Variants in LRMDA observed in about 807,000 individuals in gnomAD.
LRMDA encodes leucine-rich melanocyte differentiation-associated protein.
In LRMDA, 18 loss-of-function variants were observed where a neutral mutation model predicts 29.8. The ratio of observed to expected loss-of-function variants is 0.60; its 90% CI spans 0.42 to 0.90. LRMDA has a LOEUF of 0.90. LRMDA is among the 40% of genes least tolerant of loss of function. The pLI is 0.00. For synonymous variants in LRMDA, 125 were observed against 109.4 expected (o/e 1.14, Z -0.89); for missense variants, 273 against 273.9 (o/e 1.00, Z 0.02).
At chr10:75,971,250 T>A (rs1381362823) in intron 2 of LRMDA, among the ~76,000 whole-genome samples, 1 of 152,216 alleles carries the variant, frequency 6.6e-6, no homozygotes, top group Non-Finnish European at 1.5e-5. Flanking sequence ...AAATGTCTTT[T>A]GTTCTTGGGG....
intron 6 of LRMDA, among the ~76,000 whole-genome samples, chr10:76,550,095 G>C (rs78831538): frequency 1.3e-5 from 2 of 152,088 alleles, no homozygotes; most frequent in African/African-American, 2.4e-5. Flanking sequence ...TAAAAATTAC[G>C]TGATAAAGAA....
chr10:76,037,697 T>C (rs1848275043), intron 3 of LRMDA, among the ~76,000 whole-genome samples: 1 of 152,156 alleles, frequency 6.6e-6, no homozygotes. Context: ...GGAAGCAAGC[T>C]TTTTCAAGTC....
chr10:75,526,963 T>C (rs879601178), intron 2 of LRMDA, among the ~76,000 whole-genome samples: 2 of 152,110 alleles, frequency 1.3e-5, no homozygotes, highest in Non-Finnish European at 2.9e-5. Context: ...AACCACCACC[T>C]CCATCTAGTT....
intron 6 of LRMDA, among the ~76,000 whole-genome samples, chr10:76,462,711 C>A (rs1842525761): frequency 6.6e-6 from 1 of 152,158 alleles, no homozygotes; most frequent in Non-Finnish European, 1.5e-5. Context: ...GGACCTGTCT[C>A]TTGGCTGCTA....
chr10:76,246,557 CG>C (rs35380125), intron 5 of LRMDA, among the ~76,000 whole-genome samples: 79,852 of 151,912 alleles, frequency 0.53, 21,292 homozygotes, highest in South Asian at 0.65. Context: ...CAGGGAAAGC[CG>C]TACGAATCCA....
chr10:75,639,273 A>C (rs1841424472), intron 2 of LRMDA, among the ~76,000 whole-genome samples: 1 of 152,168 alleles, frequency 6.6e-6, no homozygotes, highest in Non-Finnish European at 1.5e-5. Flanking sequence ...CAGACTTTCC[A>C]TTTGTGCTGT....
At chr10:76,087,431 A>G (rs957066869) in intron 5 of LRMDA, among the ~76,000 whole-genome samples, 5 of 152,230 alleles carry the variant, frequency 3.3e-5, no homozygotes, top group African/African-American at 1.2e-4. Context: ...TAACTTCTGC[A>G]TAGCGTAAGC....
chr10:75,844,917 G>T (rs536016762), intron 2 of LRMDA, among the ~76,000 whole-genome samples: 2 of 152,278 alleles, frequency 1.3e-5, no homozygotes, highest in South Asian at 4.1e-4. Context: ...TATGTTTAAA[G>T]GGGTCACGTC....
In LRMDA at chr10:75,673,716, C is replaced by T. The variant is rs565220334; in HGVS notation, c.131+235222C>T. On this transcript the variant is annotated intron_variant, in intron 2 of 6. Transcript: ENST00000611255. ...AGAATATTTTTTCTCTGCACTCTGA[C>T]CTTTTGTGTCTAGGGATGCGACTAG... 2.6e-4 allele frequency among the ~76,000 whole-genome samples: 39 copies of T among 152,240 alleles called. No individual in the cohort carries two copies. The East Asian group carries it at 7.5e-3, about 29-fold the overall frequency.
intron 5 of LRMDA, among the ~76,000 whole-genome samples, chr10:76,152,130 C>T (rs72815558): frequency 0.014 from 2,088 of 152,232 alleles, 18 homozygotes; most frequent in Non-Finnish European, 0.022. Context: ...AAAACATTTC[C>T]GTCATTCCAA....
At chr10:75,897,169 T>A (rs551502389) in intron 2 of LRMDA, among the ~76,000 whole-genome samples, 1 of 152,320 alleles carries the variant, frequency 6.6e-6, no homozygotes, top group East Asian at 1.9e-4. Context: ...ATCTATGTGT[T>A]TGGGGGCAAT....
chr10:76,043,472 G>T (rs1848374560), intron 3 of LRMDA, among the ~76,000 whole-genome samples: 1 of 152,038 alleles, frequency 6.6e-6, no homozygotes, highest in South Asian at 2.1e-4. Flanking sequence ...CTCAGCTGAA[G>T]GGAAAATGTG....
At chr10:76,004,751 G>C (rs937687700) in intron 2 of LRMDA, among the ~76,000 whole-genome samples, 4 of 142,928 alleles carry the variant, frequency 2.8e-5, no homozygotes, top group Non-Finnish European at 6.0e-5. Context: ...TTTTTGAGAC[G>C]GAGTCTCACT....
At chr10:75,936,889 G>A (rs559501758) in intron 2 of LRMDA, among the ~76,000 whole-genome samples, 1 of 152,260 alleles carries the variant, frequency 6.6e-6, no homozygotes, top group East Asian at 1.9e-4. Context: ...TCAGATCATA[G>A]CATTCAGCCA....
chr10:76,558,502 C>A lies in LRMDA; in HGVS notation c.*1214C>A, dbSNP rs1360104478. 1 of 152,176 alleles carries A rather than the reference C, an allele frequency of 6.6e-6. No individual in the cohort carries two copies. Among genetic ancestry groups the A allele is most frequent in the Non-Finnish European group, 1.5e-5 (1 of 68,042 alleles). The allele number at this position is 152,176 out of a possible 1,614,324, so 9.4% of individuals were successfully genotyped here. A position where few individuals can be genotyped will look rare whatever the true frequency, so the allele number is the denominator to read the frequency against. Reference sequence around the variant, plus strand: ...TCAAAGTTTATCTAACTTGCTGGTGCACCAGTCAAATCACTCTAGAAGATG... The same window carrying A: ...TCAAAGTTTATCTAACTTGCTGGTGAACCAGTCAAATCACTCTAGAAGATG... On this transcript the variant is annotated 3_prime_UTR_variant, in exon 7 of 7. Coordinates refer to ENST00000611255, the MANE Select transcript of LRMDA (RefSeq NM_001305581.2).
chr10:76,111,811 G>C (rs1201082153), intron 5 of LRMDA, among the ~76,000 whole-genome samples: 2 of 34,726 alleles, frequency 5.8e-5, no homozygotes, highest in African/African-American at 4.4e-4. Flanking sequence ...AATGGGGGTG[G>C]GGGGGGGCGC....
chr10:76,341,256 A>T, intron 6 of LRMDA, among the ~76,000 whole-genome samples: 1 of 152,342 alleles, frequency 6.6e-6, no homozygotes, highest in Admixed American at 6.5e-5. Flanking sequence ...ACGAATAGCT[A>T]TATAGCAAAA....
At chr10:76,491,800 C>A (rs1398599929) in intron 6 of LRMDA, among the ~76,000 whole-genome samples, 2 of 151,948 alleles carry the variant, frequency 1.3e-5, no homozygotes, top group African/African-American at 4.8e-5. Flanking sequence ...TCTTTAAGGC[C>A]AATTACTCTT....
chr10:75,526,856 CT>C (rs1312800205), intron 2 of LRMDA, among the ~76,000 whole-genome samples: 24 of 109,644 alleles, frequency 2.2e-4, no homozygotes, highest in Non-Finnish European at 8.8e-5. Flanking sequence ...AAGGCCCTAT[CT>C]CAAAAAAAAA....
Sources: gnomAD v4.1 joint callset for allele counts (sites outside exome capture counted in the v4.1 genomes callset) on GRCh38, gnomAD v4.1.1 for gene constraint, MANE v1.5 for transcripts, NCBI Gene and HGNC (gene_info 2026-07-23, HGNC 2026-07-21) for gene names.